C3orf70: variants seen among roughly 807,000 people sequenced by gnomAD.
C3orf70 encodes the protein UPF0524 protein C3orf70.
Under a neutral mutation model 20.7 loss-of-function variants are expected in C3orf70, and 15 were observed. The ratio of observed to expected loss-of-function variants is 0.72; its 90% CI spans 0.48 to 1.11. The LOEUF (loss-of-function observed/expected upper bound fraction) is 1.11, where lower values mean the gene tolerates loss of function less well. C3orf70 is among the 50% of genes most tolerant of loss of function. C3orf70 has a pLI of 0.00. For synonymous variants in C3orf70, 161 were observed against 125.7 expected (o/e 1.28, Z -1.88); for missense variants, 332 against 317.6 (o/e 1.05, Z -0.34).
chr3:185,136,655 C>T (rs956955832), intron 1 of C3orf70, among the ~76,000 whole-genome samples: 36 of 152,010 alleles, frequency 2.4e-4, no homozygotes, highest in Non-Finnish European at 4.6e-4. Context: ...ACCCGGGAGG[C>T]GGAGCTTGCA....
At chr3:185,116,825 C>T (rs1475532671) in intron 1 of C3orf70, among the ~76,000 whole-genome samples, 3 of 151,044 alleles carry the variant, frequency 2.0e-5, no homozygotes, top group South Asian at 4.2e-4. Context: ...GTGGCCCAGG[C>T]TGGAGTGCAG....
rs934682770 is a variant in C3orf70, at chr3:185,076,970, C to T, written c.*6037G>A. Reference sequence around the variant, plus strand: ...GAGTTAAAACAGTAGAGTGCACACGCAGATGAGATGCGCTGTCTGCAGGAA... The same window carrying T: ...GAGTTAAAACAGTAGAGTGCACACGTAGATGAGATGCGCTGTCTGCAGGAA... On this transcript the variant is annotated 3_prime_UTR_variant, in exon 2 of 2. Transcript: ENST00000335012. Among the ~76,000 whole-genome samples, 3 of 152,194 alleles carry T rather than the reference C, an allele frequency of 2.0e-5. No individual in the cohort carries two copies. Among genetic ancestry groups the T allele is most frequent in the Non-Finnish European group, 4.4e-5 (3 of 68,038 alleles).
intron 1 of C3orf70, among the ~76,000 whole-genome samples, chr3:185,118,683 C>G (rs932510953): frequency 8.5e-5 from 13 of 152,104 alleles, no homozygotes; most frequent in African/African-American, 3.1e-4. Context: ...AAATTGCATA[C>G]TTTTTTTAAA....
intron 1 of C3orf70, among the ~76,000 whole-genome samples, chr3:185,091,584 G>A (rs1715570375): frequency 6.6e-6 from 1 of 152,050 alleles, no homozygotes; most frequent in Admixed American, 6.6e-5. Context: ...AAGAGGAGGA[G>A]ACACATCTTG....
At chr3:185,104,391 T>G (rs1715883241) in intron 1 of C3orf70, among the ~76,000 whole-genome samples, 1 of 152,328 alleles carries the variant, frequency 6.6e-6, no homozygotes, top group East Asian at 1.9e-4. Flanking sequence ...GTAAATTAGT[T>G]CAATCATTGT....
At chr3:185,107,065 C>T (rs967050303) in intron 1 of C3orf70, among the ~76,000 whole-genome samples, 1 of 152,098 alleles carries the variant, frequency 6.6e-6, no homozygotes, top group Admixed American at 6.6e-5. Context: ...AATCAAATTA[C>T]TAATAAACAC....
chr3:185,089,442 C>T (rs1051322999), intron 1 of C3orf70, among the ~76,000 whole-genome samples: 3 of 152,112 alleles, frequency 2.0e-5, no homozygotes, highest in Non-Finnish European at 4.4e-5. Flanking sequence ...AGACATTACT[C>T]GTTTATTTGT....
Position 185,120,749 on chromosome 3 carries a change from C to T in C3orf70, c.196+31879G>A, listed in dbSNP as rs556159606. On this transcript the variant is annotated intron_variant, in intron 1 of 1. Transcript: ENST00000335012. ...AAAAAAAAAGATGTTGGCATGGATG[C>T]GGTGAAAAGGGAACACTTCTACACT... 6.5e-4 allele frequency among the ~76,000 whole-genome samples: 98 copies of T among 149,912 alleles called. No individual in the cohort carries two copies. The South Asian group carries it at 0.012, about 18-fold the overall frequency.
chr3:185,091,904 CACACATACATATATAT>C (rs1205884426), intron 1 of C3orf70, among the ~76,000 whole-genome samples: 1 of 78,120 alleles, frequency 1.3e-5, no homozygotes, highest in Non-Finnish European at 2.6e-5. Context: ...CATACACACA[CACACATACATATATAT>C]ATATATATAT....
At chr3:185,134,844 CA>C (rs1716590152) in intron 1 of C3orf70, among the ~76,000 whole-genome samples, 1 of 152,092 alleles carries the variant, frequency 6.6e-6, no homozygotes, top group South Asian at 2.1e-4. Context: ...TGAGGCCCCC[CA>C]TGGTGGTATC....
At chr3:185,089,638 AC>A (rs1261034418) in intron 1 of C3orf70, among the ~76,000 whole-genome samples, 1 of 152,200 alleles carries the variant, frequency 6.6e-6, no homozygotes, top group Non-Finnish European at 1.5e-5. Flanking sequence ...AGTATCCAGT[AC>A]CCATTTTAAA....
chr3:185,098,905 A>G (rs1185750144), intron 1 of C3orf70, among the ~76,000 whole-genome samples: 1 of 152,200 alleles, frequency 6.6e-6, no homozygotes, highest in Non-Finnish European at 1.5e-5. Context: ...CCACACTGTC[A>G]GCTCTCCAGG....
At chr3:185,143,781 T>C (rs548235284) in intron 1 of C3orf70, among the ~76,000 whole-genome samples, 1 of 152,352 alleles carries the variant, frequency 6.6e-6, no homozygotes, top group South Asian at 2.1e-4. Context: ...AAGTTGAATA[T>C]GTTCAGTTTC....
At chr3:185,123,992 C>T (rs574823403) in intron 1 of C3orf70, among the ~76,000 whole-genome samples, 3 of 152,166 alleles carry the variant, frequency 2.0e-5, no homozygotes, top group African/African-American at 4.8e-5. Context: ...TGAAAATATT[C>T]GGGGAAAAAC....
intron 1 of C3orf70, among the ~76,000 whole-genome samples, chr3:185,115,991 G>A (rs190879942): frequency 6.6e-6 from 1 of 152,260 alleles, no homozygotes. Flanking sequence ...TTTGGACGGT[G>A]GGGGACCAAA....
chr3:185,090,932 A>ATAAC (rs1231604171), intron 1 of C3orf70, among the ~76,000 whole-genome samples: 2 of 152,212 alleles, frequency 1.3e-5, no homozygotes, highest in African/African-American at 4.8e-5. Context: ...AATTGCATGT[A>ATAAC]TAACTTCTTT....
At chr3:185,095,238 T>C (rs2108590387) in intron 1 of C3orf70, among the ~76,000 whole-genome samples, 1 of 152,338 alleles carries the variant, frequency 6.6e-6, no homozygotes, top group South Asian at 2.1e-4. Context: ...GTTGAGTTAC[T>C]AGACTGACCA....
At chr3:185,129,375 CT>C (rs1450385991) in intron 1 of C3orf70, among the ~76,000 whole-genome samples, 1 of 152,222 alleles carries the variant, frequency 6.6e-6, no homozygotes, top group Non-Finnish European at 1.5e-5. Context: ...TGGCCTCCAG[CT>C]ACATGCATGT....
intron 1 of C3orf70, among the ~76,000 whole-genome samples, chr3:185,146,551 G>T (rs76136621): frequency 0.19 from 28,264 of 152,020 alleles, 2,991 homozygotes; most frequent in East Asian, 0.42. Context: ...GCCTCCCAAA[G>T]TGCTGGGATT....
Sources: allele counts gnomAD v4.1 joint callset (sites outside exome capture counted in the v4.1 genomes callset), GRCh38; gene constraint gnomAD v4.1.1; transcripts MANE v1.5; gene names NCBI Gene and HGNC (gene_info 2026-07-23, HGNC 2026-07-21).